CENPI: variants seen among roughly 807,000 people sequenced by gnomAD.
The protein encoded by CENPI is FSH primary response 1.
A neutral mutation model predicts 60.4 loss-of-function variants in CENPI; 4 were observed. That is an observed-to-expected ratio of 0.07 (90% confidence interval 0.03 to 0.15). The LOEUF (loss-of-function observed/expected upper bound fraction) is 0.15, where lower values mean the gene tolerates loss of function less well. Among genes scored for constraint, CENPI ranks in the 10% least tolerant of loss-of-function variants. CENPI has a pLI of 1.00. For missense variants in CENPI, 444 were observed against 534.5 expected (o/e 0.83, Z 1.67); for synonymous variants, 157 against 189.4 (o/e 0.83, Z 1.40).
At chrX:101,148,628 A>G (rs2089981660) in intron 20 of CENPI, among the ~76,000 whole-genome samples, 1 of 112,234 alleles carries the variant, frequency 8.9e-6, no homozygotes, top group Non-Finnish European at 1.9e-5. Context: ...ATATGCAGGC[A>G]GGTGGAGGAG....
chrX:101,152,228 A>G (rs901042921), intron 20 of CENPI, among the ~76,000 whole-genome samples: 2 of 107,021 alleles, frequency 1.9e-5, no homozygotes, highest in African/African-American at 6.9e-5. Flanking sequence ...ATGCCTGGCT[A>G]ATTTTTTTGT....
At chrX:101,162,017 T>C (rs1297830425) in intron 21 of CENPI, among the ~76,000 whole-genome samples, 1 of 109,890 alleles carries the variant, frequency 9.1e-6, no homozygotes, top group Admixed American at 9.9e-5. Flanking sequence ...CTCGGCTCAC[T>C]GCAACCTCTG....
intron 15 of CENPI, among the ~76,000 whole-genome samples, chrX:101,138,070 C>T (rs1480379028): frequency 1.1e-5 from 1 of 89,808 alleles, no homozygotes; most frequent in Non-Finnish European, 2.2e-5. Flanking sequence ...TCACTGCAAC[C>T]TCTGCCTCCC....
rs765811739 is a variant in CENPI at position 101,123,094 on chromosome X, G to A, written c.687+2310G>A. Among the ~76,000 whole-genome samples the A allele has an allele frequency of 7.1e-5, 8 of 112,044 alleles. No homozygotes were observed. In the Admixed American group the frequency reaches 7.6e-4, roughly 11 times the overall value. The stretch of plus-strand genomic sequence containing the variant: ...TTTATAAAGATGCATACATAACATT[G>A]TTTTGATTAGCTGAATTTTGATGAA... On this transcript the variant is annotated intron_variant, in intron 8 of 21. Transcript: ENST00000682095.
intron 12 of CENPI, among the ~76,000 whole-genome samples, chrX:101,129,707 A>G (rs762915377): frequency 1.1e-3 from 125 of 112,212 alleles, no homozygotes; most frequent in African/African-American, 4.0e-3. Context: ...TATGTGATAT[A>G]AAGCTTATCA....
chrX:101,151,841 G>GAAAAAAAAA (rs1216298839), intron 20 of CENPI, among the ~76,000 whole-genome samples: 2 of 60,260 alleles, frequency 3.3e-5, no homozygotes, highest in Non-Finnish European at 3.2e-5. Flanking sequence ...CTCAAAAAAA[G>GAAAAAAAAA]AAAAAAAAAA....
intron 20 of CENPI, among the ~76,000 whole-genome samples, chrX:101,159,450 C>A (rs1260330388): frequency 9.1e-6 from 1 of 109,677 alleles, no homozygotes; most frequent in Non-Finnish European, 1.9e-5. Flanking sequence ...GTGTGAGCCA[C>A]CGCGCCTGGC....
chrX:101,162,366 A>G (rs1382322258), intron 21 of CENPI, among the ~76,000 whole-genome samples: 1 of 103,419 alleles, frequency 9.7e-6, no homozygotes, highest in Non-Finnish European at 1.9e-5. Flanking sequence ...AGGCAGGAGG[A>G]TTGCTTGAGG....
chrX:101,166,965 G>T (rs147674865), downstream of CENPI, among the ~76,000 whole-genome samples: 64 of 112,230 alleles, frequency 5.7e-4, no homozygotes, highest in East Asian at 0.017. Flanking sequence ...CCACCATGTT[G>T]GCCAGGATGG....
the CENPI span, among the ~76,000 whole-genome samples, chrX:101,174,667 G>C: frequency 2.4e-4 from 27 of 110,567 alleles, no homozygotes; most frequent in Non-Finnish European, 2.1e-4. Flanking sequence ...CTACTAGAGG[G>C]GGGAGGGAGG....
chrX:101,164,642 G>A lies in CENPI; in HGVS notation c.*1675G>A, dbSNP rs1189185232. 8.9e-6 allele frequency among the ~76,000 whole-genome samples: 1 copy of A among 111,855 alleles called. No individual in the cohort carries two copies. The highest frequency in any genetic ancestry group is 3.2e-5 in the African/African-American group (1 of 30,811). ...CCATTGCACCCAGCCCAAAGTACCT[G>A]TTTTTATGGAGTTTACATTCCAATG... On this transcript the variant is annotated 3_prime_UTR_variant, in exon 22 of 22. Transcript: ENST00000682095.
At chrX:101,104,326 G>A (rs1361043660) in intron 4 of CENPI, among the ~76,000 whole-genome samples, 1 of 112,258 alleles carries the variant, frequency 8.9e-6, no homozygotes, top group African/African-American at 3.2e-5. Flanking sequence ...ATTCATTGGT[G>A]GTGGTTGGGA....
At chrX:101,156,852 A>G (rs1266283918) in intron 20 of CENPI, among the ~76,000 whole-genome samples, 4 of 105,041 alleles carry the variant, frequency 3.8e-5, no homozygotes, top group Non-Finnish European at 8.1e-5. Context: ...ATGGCTGAGT[A>G]GTATTTCATC....
chrX:101,109,086 T>C (rs979406485), intron 4 of CENPI, among the ~76,000 whole-genome samples: 9 of 94,817 alleles, frequency 9.5e-5, no homozygotes, highest in African/African-American at 3.5e-4. Context: ...TTTTTTTTTT[T>C]TTTTTTTTTT....
chrX:101,150,827 T>C (rs781639523), intron 20 of CENPI, among the ~76,000 whole-genome samples: 1 of 111,239 alleles, frequency 9.0e-6, no homozygotes, highest in Non-Finnish European at 1.9e-5. Flanking sequence ...CATCCAGTGT[T>C]TTCCTTTCTT....
chrX:101,167,381 G>A (rs946825187), downstream of CENPI, among the ~76,000 whole-genome samples: 3 of 111,795 alleles, frequency 2.7e-5, no homozygotes, highest in African/African-American at 9.7e-5. Flanking sequence ...ATTTTTTTGC[G>A]TTGTACGTTG....
At chrX:101,110,231 C>T (rs970025356) in intron 6 of CENPI, among the ~76,000 whole-genome samples, 9 of 112,028 alleles carry the variant, frequency 8.0e-5, no homozygotes, top group African/African-American at 2.9e-4. Context: ...AAATTTTTAT[C>T]GTATTTACTT....
the CENPI span, among the ~76,000 whole-genome samples, chrX:101,181,859 C>T: frequency 8.9e-6 from 1 of 112,247 alleles, no homozygotes; most frequent in Non-Finnish European, 1.9e-5. Flanking sequence ...TTTATTGTTC[C>T]TGAACTCAGG....
chrX:101,115,767 T>C (rs1464144289), intron 6 of CENPI, among the ~76,000 whole-genome samples: 1 of 112,006 alleles, frequency 8.9e-6, no homozygotes, highest in Non-Finnish European at 1.9e-5. Flanking sequence ...ACTTTTTCAT[T>C]ACCCTAAACT....
Sources: gnomAD v4.1 joint callset for allele counts (sites outside exome capture counted in the v4.1 genomes callset) on GRCh38, gnomAD v4.1.1 for gene constraint, MANE v1.5 for transcripts, NCBI Gene and HGNC (gene_info 2026-07-23, HGNC 2026-07-21) for gene names.